The following DYNC2I2 variants were observed in gnomAD, a reference collection of about 807,000 sequenced individuals.
DYNC2I2 encodes the protein cytoplasmic dynein 2 intermediate chain 2.
A neutral mutation model predicts 52.0 loss-of-function variants in DYNC2I2; 39 were observed. The ratio of observed to expected loss-of-function variants is 0.75; its 90% CI spans 0.58 to 0.98. The LOEUF (loss-of-function observed/expected upper bound fraction) is 0.98. Among genes scored for constraint, DYNC2I2 ranks in the 50% least tolerant of loss-of-function variants. The probability of loss-of-function intolerance (pLI) is 0.00; values close to 1 mark genes in which losing one functional copy is unlikely to be tolerated. For synonymous variants in DYNC2I2, 359 were observed against 321.1 expected (o/e 1.12, Z -1.26); for missense variants, 743 against 728.4 (o/e 1.02, Z -0.23).
the DYNC2I2 span, among the ~76,000 whole-genome samples, chr9:128,663,790 C>G: frequency 6.7e-6 from 1 of 150,354 alleles, no homozygotes; most frequent in Non-Finnish European, 1.5e-5. Flanking sequence ...GTAGCTGGGA[C>G]TACAGGTACA....
the DYNC2I2 span, among the ~76,000 whole-genome samples, chr9:128,663,955 T>C: frequency 1.5e-5 from 2 of 130,366 alleles, no homozygotes; most frequent in Admixed American, 7.4e-5. Context: ...ACCCAGGCTT[T>C]TTTTTTTTTT....
chr9:128,673,948 A>G, the DYNC2I2 span, among the ~76,000 whole-genome samples: 1 of 150,784 alleles, frequency 6.6e-6, no homozygotes, highest in Non-Finnish European at 1.5e-5. Context: ...AACTGGGATT[A>G]CAGGATGCGC....
chr9:128,660,042 G>C (rs1023307957), upstream of DYNC2I2, among the ~76,000 whole-genome samples: 11 of 150,316 alleles, frequency 7.3e-5, no homozygotes, highest in African/African-American at 2.7e-4. Context: ...CTTCCAGCAT[G>C]GGTGCCAGAG....
chr9:128,639,791 G>C (rs1301918993), intron 2 of DYNC2I2, among the ~76,000 whole-genome samples: 1 of 151,714 alleles, frequency 6.6e-6, no homozygotes. Context: ...TCAGCCTCCC[G>C]AGTAGCTGGA....
intron 2 of DYNC2I2, among the ~76,000 whole-genome samples, chr9:128,639,034 G>A (rs566728879): frequency 1.3e-5 from 2 of 152,194 alleles, no homozygotes; most frequent in Non-Finnish European, 2.9e-5. Context: ...CATCTCAGGA[G>A]GCTGAGGCAG....
At chr9:128,684,025 G>A in the DYNC2I2 span, 1 of 1,516,866 alleles carries the variant, frequency 6.6e-7, no homozygotes, top group Non-Finnish European at 9.0e-7. Flanking sequence ...TCTGCGCTAA[G>A]TTTTATTGGA....
the DYNC2I2 span, among the ~76,000 whole-genome samples, chr9:128,670,786 G>T: frequency 8.6e-5 from 13 of 150,422 alleles, no homozygotes; most frequent in Non-Finnish European, 8.9e-5. Context: ...GAAACGCGGT[G>T]GGGTGTGGTG....
At chr9:128,682,861 A>G in the DYNC2I2 span, among the ~76,000 whole-genome samples, 9 of 150,502 alleles carry the variant, frequency 6.0e-5, no homozygotes, top group African/African-American at 2.0e-4. Context: ...TATTTTTAGT[A>G]GAGACGGGGT....
intron 7 of DYNC2I2, 30 bp from the exon 8 acceptor site, chr9:128,634,413 GA>G: frequency 6.4e-7 from 1 of 1,554,780 alleles, no homozygotes; most frequent in Non-Finnish European, 8.7e-7. Flanking sequence ...CCAGGCAAGG[GA>G]ATCAGTGCTG....
At chr9:128,666,766 A>T in the DYNC2I2 span, among the ~76,000 whole-genome samples, 1 of 151,670 alleles carries the variant, frequency 6.6e-6, no homozygotes, top group African/African-American at 2.4e-5. Context: ...CTCAAAAAAA[A>T]AAAAAAAGAA....
chr9:128,677,216 CAA>C, the DYNC2I2 span, among the ~76,000 whole-genome samples: 1,666 of 135,034 alleles, frequency 0.012, 26 homozygotes, highest in East Asian at 0.067. Context: ...AACTCTGTCT[CAA>C]AAAAAAAAAA....
chr9:128,670,450 A>C, the DYNC2I2 span, among the ~76,000 whole-genome samples: 6 of 151,782 alleles, frequency 4.0e-5, no homozygotes, highest in African/African-American at 1.5e-4. Context: ...CAGAAAAAAA[A>C]AGAGAGGCCA....
chr9:128,651,877 T>A, intron 1 of DYNC2I2: 1 of 138,666 alleles, frequency 7.2e-6, no homozygotes. Flanking sequence ...ATAGCACCAC[T>A]GCACTCCAGC....
Position 128,647,478 on chromosome 9 carries a change from G to A in DYNC2I2, c.187-6539C>T, listed in dbSNP as rs568413312. On this transcript the variant is annotated intron_variant, in intron 1 of 8. Transcript: ENST00000372715. ...GGGCCAGGCGCTATGGCTCACGCCT[G>A]CAATCCCAGGACTTTGGGAGGCCAA... 2.0e-5 allele frequency among the ~76,000 whole-genome samples: 3 copies of A among 152,280 alleles called. No individual in the cohort carries two copies. In the East Asian group the frequency reaches 5.8e-4, roughly 29 times the overall value.
At chr9:128,671,995 A>G in the DYNC2I2 span, among the ~76,000 whole-genome samples, 133,852 of 140,224 alleles carry the variant, frequency 0.95, 63,886 homozygotes, top group Non-Finnish European at 0.99. Context: ...ATTTATTGAG[A>G]CGGAGTCTCG....
chr9:128,682,410 C>CTAGTA, the DYNC2I2 span, among the ~76,000 whole-genome samples: 24 of 152,032 alleles, frequency 1.6e-4, no homozygotes, highest in Admixed American at 1.3e-4. Context: ...GGTGTGGTGG[C>CTAGTA]TTATGCCTGT....
At chr9:128,653,489 C>T (rs1365206473) in intron 1 of DYNC2I2, among the ~76,000 whole-genome samples, 14 of 150,290 alleles carry the variant, frequency 9.3e-5, no homozygotes, top group East Asian at 3.9e-4. Flanking sequence ...CCGAGGCAGG[C>T]GGATCACGAG....
chr9:128,679,381 C>G, the DYNC2I2 span, among the ~76,000 whole-genome samples: 1 of 152,160 alleles, frequency 6.6e-6, no homozygotes, highest in Non-Finnish European at 1.5e-5. Context: ...ACGTCCTCCA[C>G]CTTTTCTTCC....
At chr9:128,663,099 A>C in the DYNC2I2 span, 2 of 152,142 alleles carry the variant, frequency 1.3e-5, no homozygotes, top group African/African-American at 4.8e-5. Context: ...CCCGGCCCCA[A>C]TTCATTCTTA....
Sources: gnomAD v4.1 joint callset for allele counts (sites outside exome capture counted in the v4.1 genomes callset) on GRCh38, gnomAD v4.1.1 for gene constraint, MANE v1.5 for transcripts, NCBI Gene and HGNC (gene_info 2026-07-23, HGNC 2026-07-21) for gene names.